NELL2: variants seen among roughly 807,000 people sequenced by gnomAD.
NELL2 encodes neural EGFL like 2.
In NELL2, 41 loss-of-function variants were observed where a neutral mutation model predicts 109.6. That is an observed-to-expected ratio of 0.37 (90% CI 0.29 to 0.49). NELL2 has a LOEUF of 0.49. Ranked by LOEUF, NELL2 falls within the 20% of genes least tolerant of loss-of-function variation. NELL2 has a pLI of 0.98. For synonymous variants in NELL2, 355 were observed against 344.7 expected (o/e 1.03, Z -0.33); for missense variants, 900 against 1,008.3 (o/e 0.89, Z 1.45).
intron 3 of NELL2, among the ~76,000 whole-genome samples, chr12:44,801,474 G>A (rs1942827702): frequency 6.6e-6 from 1 of 152,110 alleles, no homozygotes; most frequent in South Asian, 2.1e-4. Flanking sequence ...TCATGGTGCT[G>A]CTCTAAAACA....
intron 15 of NELL2, among the ~76,000 whole-genome samples, chr12:44,539,848 C>T (rs1041143116): frequency 6.6e-6 from 1 of 152,118 alleles, no homozygotes; most frequent in African/African-American, 2.4e-5. Context: ...TAAACACATG[C>T]TGAATGAATA....
intron 12 of NELL2, among the ~76,000 whole-genome samples, chr12:44,668,227 T>A (rs890119479): frequency 1.3e-5 from 2 of 151,996 alleles, no homozygotes; most frequent in African/African-American, 4.8e-5. Context: ...TGCAACACAC[T>A]GAGGAAGCAA....
chr12:44,577,721 G>A (rs559800307), intron 15 of NELL2, among the ~76,000 whole-genome samples: 6 of 151,818 alleles, frequency 4.0e-5, no homozygotes, highest in Admixed American at 6.6e-5. Flanking sequence ...CTCGTGATCC[G>A]CCCACCTCGG....
chr12:44,582,117 A>C (rs1944345095), intron 15 of NELL2, among the ~76,000 whole-genome samples: 1 of 152,206 alleles, frequency 6.6e-6, no homozygotes, highest in Admixed American at 6.5e-5. Context: ...GGGTGGGTAA[A>C]GACTGGGAAG....
At chr12:44,742,694 G>A (rs576636550) in intron 9 of NELL2, among the ~76,000 whole-genome samples, 2 of 152,284 alleles carry the variant, frequency 1.3e-5, no homozygotes, top group African/African-American at 4.8e-5. Flanking sequence ...CTGGAAGAAA[G>A]GGTATCAGTG....
At chr12:44,733,324 GAATA>G (rs1001770899) in intron 9 of NELL2, among the ~76,000 whole-genome samples, 3 of 151,940 alleles carry the variant, frequency 2.0e-5, no homozygotes, top group Non-Finnish European at 2.9e-5. Context: ...ACTGATGGAT[GAATA>G]AATAAAGAAA....
At chr12:44,704,627 T>C (rs1292922159) in intron 11 of NELL2, among the ~76,000 whole-genome samples, 1 of 152,210 alleles carries the variant, frequency 6.6e-6, no homozygotes, top group African/African-American at 2.4e-5. Flanking sequence ...TAATGGAAAT[T>C]ACATAATTAT....
intron 9 of NELL2, among the ~76,000 whole-genome samples, chr12:44,736,436 C>T (rs2136485496): frequency 6.6e-6 from 1 of 152,070 alleles, no homozygotes; most frequent in African/African-American, 2.4e-5. Context: ...TTCTAGCATT[C>T]TAAAGGGCAA....
chr12:44,722,102 T>C (rs643032), intron 9 of NELL2, among the ~76,000 whole-genome samples: 151,713 of 152,294 alleles, frequency 1, 75,569 homozygotes, highest in Middle Eastern at 1. Flanking sequence ...GAGTAAGCAA[T>C]AAAATGATAA....
chr12:44,603,110 G>A (rs1200254183), intron 15 of NELL2, among the ~76,000 whole-genome samples: 1 of 151,878 alleles, frequency 6.6e-6, no homozygotes, highest in East Asian at 1.9e-4. Flanking sequence ...ACACTTAGGG[G>A]TGCAACTTAA....
At chr12:44,858,821 T>C (rs1437993351) in intron 2 of NELL2, among the ~76,000 whole-genome samples, 2 of 152,204 alleles carry the variant, frequency 1.3e-5, no homozygotes, top group Non-Finnish European at 2.9e-5. Flanking sequence ...TAAGTTATGA[T>C]TATCTGATGC....
At position 44,687,142 on chromosome 12, in the gene NELL2, T is replaced by C. The variant is rs574184092; in HGVS notation, c.1318+16584A>G. 5.3e-5 allele frequency among the ~76,000 whole-genome samples: 8 copies of C among 152,310 alleles called. No individual in the cohort carries two copies. In the East Asian group the frequency reaches 1.4e-3, roughly 26 times the overall value. On this transcript the variant is annotated intron_variant, in intron 12 of 19. Transcript: ENST00000429094. Reference sequence around the variant, plus strand: ...TTTTAAGCCCGTCGGAAATGCGCAGTATTCGGGTGGGAGTGACCCGATTTT... The same window carrying C: ...TTTTAAGCCCGTCGGAAATGCGCAGCATTCGGGTGGGAGTGACCCGATTTT...
At chr12:44,536,985 A>T (rs1423640230) in intron 15 of NELL2, among the ~76,000 whole-genome samples, 2 of 150,426 alleles carry the variant, frequency 1.3e-5, no homozygotes, top group Non-Finnish European at 3.0e-5. Context: ...AAACAAACCA[A>T]CAGGCAAACA....
chr12:44,678,536 T>C (rs1161038037), intron 12 of NELL2, among the ~76,000 whole-genome samples: 1 of 152,050 alleles, frequency 6.6e-6, no homozygotes, highest in African/African-American at 2.4e-5. Context: ...GTGGGATTTG[T>C]ACCAAGATGT....
At chr12:44,644,338 T>C (rs1247096921) in intron 13 of NELL2, among the ~76,000 whole-genome samples, 1 of 151,818 alleles carries the variant, frequency 6.6e-6, no homozygotes, top group African/African-American at 2.4e-5. Flanking sequence ...AAATCTGAGA[T>C]AAATTCTAGG....
At chr12:44,709,090 T>A (rs549144784) in intron 11 of NELL2, among the ~76,000 whole-genome samples, 1 of 152,314 alleles carries the variant, frequency 6.6e-6, no homozygotes, top group African/African-American at 2.4e-5. Context: ...ACTTCTACGC[T>A]ATTCATCTCT....
At chr12:44,663,255 A>G (rs542416485) in intron 13 of NELL2, among the ~76,000 whole-genome samples, 1 of 152,290 alleles carries the variant, frequency 6.6e-6, no homozygotes, top group Non-Finnish European at 1.5e-5. Context: ...CTAACATTAA[A>G]AAAAAATAAG....
chr12:44,838,883 A>C (rs1056127811), intron 2 of NELL2, among the ~76,000 whole-genome samples: 1 of 152,230 alleles, frequency 6.6e-6, no homozygotes, highest in Non-Finnish European at 1.5e-5. Context: ...TCAGCTTTTA[A>C]TAGCCACAAC....
At chr12:44,680,547 C>T (rs1846512364) in intron 12 of NELL2, among the ~76,000 whole-genome samples, 2 of 151,972 alleles carry the variant, frequency 1.3e-5, no homozygotes, top group African/African-American at 4.8e-5. Context: ...ATTAAAATCC[C>T]AGGGATCTAT....
Sources: gnomAD v4.1 joint callset for allele counts (sites outside exome capture counted in the v4.1 genomes callset) on GRCh38, gnomAD v4.1.1 for gene constraint, MANE v1.5 for transcripts, NCBI Gene and HGNC (gene_info 2026-07-23, HGNC 2026-07-21) for gene names.